Variants in CHRM3 observed in about 807,000 individuals in gnomAD.
CHRM3 encodes the protein muscarinic acetylcholine receptor M3.
CHRM3 carries 11 observed loss-of-function variants against 41.8 expected under a neutral mutation model. The observed-to-expected ratio is 0.26, with a 90% CI of 0.17 to 0.44. CHRM3 has a LOEUF of 0.44. Among genes scored for constraint, CHRM3 ranks in the 20% least tolerant of loss-of-function variants. The probability of loss-of-function intolerance (pLI) is 1.00; values close to 1 mark genes in which losing one functional copy is unlikely to be tolerated. For synonymous variants in CHRM3, 297 were observed against 301.4 expected (o/e 0.99, Z 0.15); for missense variants, 571 against 745.4 (o/e 0.77, Z 2.72).
At chr1:239,632,605 A>G (rs912956708) in intron 4 of CHRM3, among the ~76,000 whole-genome samples, 4 of 152,226 alleles carry the variant, frequency 2.6e-5, no homozygotes, top group African/African-American at 9.6e-5. Flanking sequence ...AATTATTAGT[A>G]CATATATAGG....
At chr1:239,560,226 G>A (rs1406542513) in intron 3 of CHRM3, among the ~76,000 whole-genome samples, 1 of 152,116 alleles carries the variant, frequency 6.6e-6, no homozygotes, top group African/African-American at 2.4e-5. Flanking sequence ...AGGAAATTAA[G>A]TGAAATATTG....
At chr1:239,851,675 A>G (rs911186807) in intron 6 of CHRM3, among the ~76,000 whole-genome samples, 1 of 152,198 alleles carries the variant, frequency 6.6e-6, no homozygotes, top group African/African-American at 2.4e-5. Flanking sequence ...ATTGTAATAT[A>G]CTTATGGAAG....
intron 2 of CHRM3, among the ~76,000 whole-genome samples, chr1:239,493,291 A>G (rs116358918): frequency 0.012 from 1,844 of 152,304 alleles, 34 homozygotes; most frequent in African/African-American, 0.042. Context: ...GCAGGTCTCC[A>G]GGATCTATCT....
rs190768179 is a variant in CHRM3 at position 239,794,555 on chromosome 1, T to C, written c.-146-32697T>C. ...GGAAACTGTTACATGCGTCCTGCAT[T>C]TTGTTTTAGCTTCTGTCAGTTGGGT... is the stretch of plus-strand genomic sequence containing the variant. On this transcript the variant is annotated intron_variant, in intron 5 of 6. Transcript: ENST00000676153. Among the ~76,000 whole-genome samples the C allele has an allele frequency of 1.3e-4, 20 of 152,262 alleles. No homozygotes were observed. In the East Asian group the frequency reaches 3.3e-3, roughly 25 times the overall value.
At chr1:239,431,846 C>G in intron 1 of CHRM3, among the ~76,000 whole-genome samples, 1 of 152,124 alleles carries the variant, frequency 6.6e-6, no homozygotes, top group African/African-American at 2.4e-5. Flanking sequence ...GTTACTGTAT[C>G]CGGATACTTC....
intron 1 of CHRM3, among the ~76,000 whole-genome samples, chr1:239,479,663 C>G (rs1047297863): frequency 2.0e-5 from 3 of 152,180 alleles, no homozygotes; most frequent in African/African-American, 7.2e-5. Context: ...GGCTACAAAC[C>G]TGTGCAGCAT....
chr1:239,752,683 A>G (rs2148590405), intron 5 of CHRM3, among the ~76,000 whole-genome samples: 1 of 152,346 alleles, frequency 6.6e-6, no homozygotes, highest in South Asian at 2.1e-4. Flanking sequence ...TCAGGTTGTG[A>G]CAAACGACTG....
chr1:239,461,634 C>T (rs2147882005), intron 1 of CHRM3, among the ~76,000 whole-genome samples: 1 of 150,918 alleles, frequency 6.6e-6, no homozygotes, highest in East Asian at 1.9e-4. Flanking sequence ...ATTCTCTTGA[C>T]AGGATGAGCT....
intron 6 of CHRM3, among the ~76,000 whole-genome samples, chr1:239,888,283 C>A (rs1000787797): frequency 1.3e-5 from 2 of 151,872 alleles, no homozygotes; most frequent in African/African-American, 4.8e-5. Flanking sequence ...AGGAGAGTCA[C>A]CTGAGCCTGA....
At chr1:239,596,680 G>A (rs942536882) in intron 3 of CHRM3, among the ~76,000 whole-genome samples, 1 of 152,062 alleles carries the variant, frequency 6.6e-6, no homozygotes, top group African/African-American at 2.4e-5. Context: ...GCTTTGAAAA[G>A]GATGCTTTCT....
rs530805594 is a variant in CHRM3 at position 239,578,513 on chromosome 1, A to G, written c.-313+32764A>G. Among the ~76,000 whole-genome samples the G allele has an allele frequency of 7.3e-4, 111 of 152,280 alleles. No homozygotes were observed. The Middle Eastern group carries it at 0.014, about 19-fold the overall frequency. On this transcript the variant is annotated intron_variant, in intron 3 of 6. Coordinates refer to ENST00000676153, the MANE Select transcript of CHRM3 (RefSeq NM_001375978.1). ...TGAAAGCTCACCCTGGAGAATCTGA[A>G]ATAAATTCCCAAAGAGGCACTTTAT...
intron 2 of CHRM3, among the ~76,000 whole-genome samples, chr1:239,503,375 C>G (rs563353981): frequency 1.3e-5 from 2 of 151,972 alleles, no homozygotes; most frequent in Non-Finnish European, 2.9e-5. Context: ...AAGACCTCTA[C>G]AAGGAAAACT....
intron 5 of CHRM3, among the ~76,000 whole-genome samples, chr1:239,810,273 G>A (rs1025914526): frequency 2.0e-5 from 3 of 152,138 alleles, no homozygotes; most frequent in Non-Finnish European, 4.4e-5. Context: ...GGAGATTCAA[G>A]GAATGCGGGG....
chr1:239,766,958 C>T (rs113681996), intron 5 of CHRM3, among the ~76,000 whole-genome samples: 216 of 152,240 alleles, frequency 1.4e-3, no homozygotes, highest in African/African-American at 4.7e-3. Flanking sequence ...TCGATCCACC[C>T]GCCTCAGCCT....
At chr1:239,753,423 A>G (rs1233813138) in intron 5 of CHRM3, among the ~76,000 whole-genome samples, 1 of 152,190 alleles carries the variant, frequency 6.6e-6, no homozygotes, top group African/African-American at 2.4e-5. Flanking sequence ...GAAACTTACA[A>G]TCATGGCAGA....
chr1:239,446,187 G>C (rs552354813), intron 1 of CHRM3, among the ~76,000 whole-genome samples: 1 of 152,204 alleles, frequency 6.6e-6, no homozygotes, highest in African/African-American at 2.4e-5. Context: ...CGCCCGCCTT[G>C]GCCTCCCAAA....
At chr1:239,444,622 G>A (rs1213023128) in intron 1 of CHRM3, among the ~76,000 whole-genome samples, 1 of 152,022 alleles carries the variant, frequency 6.6e-6, no homozygotes, top group African/African-American at 2.4e-5. Context: ...GGGGAATGTG[G>A]AAATCCACTA....
intron 3 of CHRM3, among the ~76,000 whole-genome samples, chr1:239,613,082 A>G (rs960650967): frequency 6.6e-6 from 1 of 152,220 alleles, no homozygotes; most frequent in African/African-American, 2.4e-5. Context: ...CGAAAACTAT[A>G]TGGCAAATGG....
At chr1:239,845,902 T>C (rs1163177467) in intron 6 of CHRM3, among the ~76,000 whole-genome samples, 2 of 152,182 alleles carry the variant, frequency 1.3e-5, no homozygotes, top group African/African-American at 2.4e-5. Flanking sequence ...AGAATTGCCT[T>C]TATAGAATTA....
Sources: allele counts gnomAD v4.1 joint callset (sites outside exome capture counted in the v4.1 genomes callset), GRCh38; gene constraint gnomAD v4.1.1; transcripts MANE v1.5; gene names NCBI Gene and HGNC (gene_info 2026-07-23, HGNC 2026-07-21).